The following DUSP4 variants were observed in gnomAD, a reference collection of about 807,000 sequenced individuals.
DUSP4 encodes the protein dual specificity phosphatase 4.
In DUSP4, 12 loss-of-function variants were observed where a neutral mutation model predicts 27.2. The ratio of observed to expected loss-of-function variants is 0.44; its 90% CI spans 0.28 to 0.71. The LOEUF (loss-of-function observed/expected upper bound fraction) is 0.71, where lower values mean the gene tolerates loss of function less well. DUSP4 is among the 30% of genes least tolerant of loss of function. DUSP4 has a pLI of 0.14. For synonymous variants in DUSP4, 257 were observed against 245.2 expected, an observed-to-expected ratio of 1.05 and a Z score of -0.45; for missense variants, 448 against 551.3, an observed-to-expected ratio of 0.81 and a Z score of 1.88.
At position 29,340,137 on chromosome 8, in the gene DUSP4, G is replaced by T. The variant is rs1817635392; in HGVS notation, c.540C>A (p.Asp180Glu). 1 of 1,601,174 alleles carries T rather than the reference G, an allele frequency of 6.2e-7. No individual in the cohort carries two copies. Among genetic ancestry groups the T allele is most frequent in the Admixed American group, 1.7e-5 (1 of 57,678 alleles). The change falls in exon 2 of 4, where the codon GAC (aspartate) becomes GAA (glutamate). Residue 180 changes from aspartate (D) to glutamate (E), a missense_variant. Coordinates refer to ENST00000240100, the MANE Select transcript of DUSP4 (RefSeq NM_001394.7). ...PVPPSATEPL[D>E]LGCSSCGTPL... Reference sequence around the variant, plus strand: ...GGGTCCCACAGGAGCTGCAGCCCAGGTCCAAGGGCTCTGTGGCACTGGGGG... The same window carrying T: ...GGGTCCCACAGGAGCTGCAGCCCAGTTCCAAGGGCTCTGTGGCACTGGGGG...
intron 1 of DUSP4, chr8:29,348,194 G>C (rs750243881): frequency 9.1e-5 from 90 of 985,534 alleles, no homozygotes; most frequent in Middle Eastern, 1.0e-3. Flanking sequence ...CTCTCCATCG[G>C]GGGGACTCGA....
chr8:29,347,081 A>T lies in DUSP4; in HGVS notation c.433+2765T>A, dbSNP rs544543898. Among the ~76,000 whole-genome samples the T allele has an allele frequency of 2.7e-4, 41 of 152,320 alleles. No individual in the cohort carries two copies. The South Asian group carries it at 8.5e-3, about 32-fold the overall frequency. On this transcript the variant is annotated intron_variant, in intron 1 of 3. Coordinates refer to ENST00000240100, the MANE Select transcript of DUSP4 (RefSeq NM_001394.7). ...AAATGAATTACTCCAGTAGGAAACAAATTCTCCAACCCTTCACCAATTCAG... is the reference window on the plus strand; with the variant it reads ...AAATGAATTACTCCAGTAGGAAACATATTCTCCAACCCTTCACCAATTCAG...
In DUSP4 at chr8:29,337,869, T is replaced by G. The variant is rs989316743; in HGVS notation, c.799+413A>C. ...CAGAGGCTGAGGCAGGAGAATCACT[T>G]GCACCCCAGAAGCGGAGGTTGCAGT... is the stretch of plus-strand genomic sequence containing the variant. On this transcript the variant is annotated intron_variant, in intron 3 of 3. Coordinates refer to ENST00000240100, the MANE Select transcript of DUSP4 (RefSeq NM_001394.7). The surrounding 1 kb of genome is among the most constrained non-coding windows in gnomAD (Gnocchi z 6.4). Among the ~76,000 whole-genome samples the G allele has an allele frequency of 2.6e-5, 4 of 152,108 alleles. No homozygotes were observed. Among genetic ancestry groups the G allele is most frequent in the Non-Finnish European group, 5.9e-5 (4 of 68,012 alleles).
rs570033003 is a variant in DUSP4, at chr8:29,345,745, A to G, written c.433+4101T>C. 4.5e-5 allele frequency: 60 copies of G among 1,332,192 alleles called. No homozygotes were observed. In the African/African-American group the frequency reaches 8.1e-4, roughly 18 times the overall value. The allele number at this position is 1,332,192 out of a possible 1,614,324, so 82.5% of individuals were successfully genotyped here. A position where few individuals can be genotyped will look rare whatever the true frequency, so the allele number is the denominator to read the frequency against. ...GCCCAAGGAAGTTGTGACGGTCTAA[A>G]GGGTCAAATTTCACTCTCAATTTAC... On this transcript the variant is annotated intron_variant, in intron 1 of 3. Transcript: ENST00000240100.
At position 29,337,493 on chromosome 8, in the gene DUSP4, G is replaced by C. The variant is rs1291642584; in HGVS notation, c.800-82C>G. On this transcript the variant is annotated intron_variant, in intron 3 of 3. Coordinates refer to ENST00000240100, the MANE Select transcript of DUSP4 (RefSeq NM_001394.7). The surrounding 1 kb of genome is among the most constrained non-coding windows in gnomAD (Gnocchi z 6.4). ...GGGGCACCGGCCAGCCCCTGGGGTCGGGGGGCTCTGAAGGAAGGACTAGCC... is the reference window on the plus strand; with the variant it reads ...GGGGCACCGGCCAGCCCCTGGGGTCCGGGGGCTCTGAAGGAAGGACTAGCC... 3.3e-6 allele frequency: 5 copies of C among 1,503,288 alleles called. No individual in the cohort carries two copies. The highest frequency in any genetic ancestry group is 2.6e-5 in the South Asian group (2 of 75,606). 93.1% of individuals were successfully genotyped at this position (1,503,288 alleles called of 1,614,324 possible). A position where few individuals can be genotyped will look rare whatever the true frequency, so the allele number is the denominator to read the frequency against.
rs560705011 is a variant in DUSP4, at chr8:29,349,698, C to G, written c.433+148G>C. On this transcript the variant is annotated intron_variant, in intron 1 of 3. Coordinates refer to ENST00000240100, the MANE Select transcript of DUSP4 (RefSeq NM_001394.7). The stretch of plus-strand genomic sequence containing the variant: ...CACTTGCACAGAAACCTTGCAAACC[C>G]CTACACACCAACACACACAAAGGGG... 1.2e-5 allele frequency: 14 copies of G among 1,170,876 alleles called. No individual in the cohort carries two copies. The East Asian group carries it at 3.6e-4, about 30-fold the overall frequency. The allele number at this position is 1,170,876 out of a possible 1,614,324, so 72.5% of individuals were successfully genotyped here.
At chr8:29,346,161 T>C in intron 1 of DUSP4, 2 of 805,302 alleles carry the variant, frequency 2.5e-6, no homozygotes, top group Non-Finnish European at 3.0e-6. Flanking sequence ...TCAGTGGCCT[T>C]AGTGACTGTT....
rs3735862 is a variant in DUSP4 at position 29,349,712 on chromosome 8, C to A, written c.433+134G>T. ...CCTTGCAAACCCCTACACACCAACA[C>A]ACACAAAGGGGCGCGCGGGGATCCC... On this transcript the variant is annotated intron_variant, in intron 1 of 3. Coordinates refer to ENST00000240100, the MANE Select transcript of DUSP4 (RefSeq NM_001394.7). 1.4e-3 allele frequency: 1,793 copies of A among 1,285,398 alleles called. 21 individuals carry two copies. Among genetic ancestry groups the A allele is most frequent in the East Asian group, 0.011 (408 of 37,844 alleles). The allele number at this position is 1,285,398 out of a possible 1,614,324, so 79.6% of individuals were successfully genotyped here.
chr8:29,348,379 G>C (rs1040096650), intron 1 of DUSP4: 2 of 985,560 alleles, frequency 2.0e-6, no homozygotes, highest in Admixed American at 6.1e-5. Flanking sequence ...AGGCCTTCCG[G>C]GACAAGCCCC....
In DUSP4 at chr8:29,335,341, ACG is replaced by A. The variant is rs1358579946; in HGVS notation, c.*1683_*1684del. The A allele has an allele frequency of 5.9e-5, 9 of 152,198 alleles. No individual in the cohort carries two copies. In the East Asian group the frequency reaches 1.7e-3, roughly 29 times the overall value. 9.4% of individuals were successfully genotyped at this position (152,198 alleles called of 1,614,324 possible). A position where few individuals can be genotyped will look rare whatever the true frequency, so the allele number is the denominator to read the frequency against. ...TCAAAATGGCGCCTGCGTGCCCATG[ACG>A]CACGTCACGGGAGCCAGCGGCCAGC... On this transcript the variant is annotated 3_prime_UTR_variant, in exon 4 of 4. Transcript: ENST00000240100.
At position 29,336,334 on chromosome 8, in the gene DUSP4, A is replaced by C. The variant is rs1817572522; in HGVS notation, c.*692T>G. On this transcript the variant is annotated 3_prime_UTR_variant, in exon 4 of 4. Transcript: ENST00000240100. Reference sequence around the variant, plus strand: ...ATCATGCTACCTTGCACATATCTACAAGACACCATTTACTTCCTAACTGCC... The same window carrying C: ...ATCATGCTACCTTGCACATATCTACCAGACACCATTTACTTCCTAACTGCC... 6.6e-6 allele frequency: 1 copy of C among 152,110 alleles called. No individual in the cohort carries two copies. Among genetic ancestry groups the C allele is most frequent in the Admixed American group, 6.5e-5 (1 of 15,268 alleles). The allele number at this position is 152,110 out of a possible 1,614,324, so 9.4% of individuals were successfully genotyped here. A position where few individuals can be genotyped will look rare whatever the true frequency, so the allele number is the denominator to read the frequency against.
chr8:29,340,044 T>C, intron 2 of DUSP4, 54 bp downstream of exon 2: 1 of 1,528,562 alleles, frequency 6.5e-7, no homozygotes, highest in Non-Finnish European at 8.8e-7. Flanking sequence ...AGGCATCCAC[T>C]GGCCCCTACG....
chr8:29,347,936 G>A (rs1333396719), intron 1 of DUSP4: 69 of 985,338 alleles, frequency 7.0e-5, no homozygotes, highest in Non-Finnish European at 8.1e-5. Flanking sequence ...GCGCCCTGGG[G>A]ATAAATCTTA....
chr8:29,340,818 C>T (rs921671322), intron 1 of DUSP4, among the ~76,000 whole-genome samples: 1 of 152,194 alleles, frequency 6.6e-6, no homozygotes, highest in Admixed American at 6.5e-5. Flanking sequence ...TCTAAATAAA[C>T]CCCTCATGCT....
intron 1 of DUSP4, among the ~76,000 whole-genome samples, chr8:29,342,375 A>C (rs1817667655): frequency 6.6e-6 from 1 of 151,994 alleles, no homozygotes; most frequent in African/African-American, 2.4e-5. Context: ...AAGGCCTATG[A>C]GGACTGGTTC....
intron 1 of DUSP4, among the ~76,000 whole-genome samples, 163 bp downstream of exon 1, chr8:29,349,683 G>A (rs1294444347): frequency 6.6e-6 from 1 of 152,224 alleles, no homozygotes; most frequent in African/African-American, 2.4e-5. Context: ...CACTTGCACA[G>A]AAACCTTGCA....
rs1448381330 is a variant in DUSP4, at chr8:29,349,270, G to A, written c.433+576C>T. ...GGGGATTGGCCACCTTCCAAGCTGA[G>A]CTTGGAGTTGGGCAGCGGGAACGCA... On this transcript the variant is annotated intron_variant, in intron 1 of 3. Transcript: ENST00000240100. 3.9e-5 allele frequency among the ~76,000 whole-genome samples: 6 copies of A among 152,372 alleles called. 1 individual carries two copies. Among genetic ancestry groups the A allele is most frequent in the Non-Finnish European group, 4.4e-5 (3 of 68,038 alleles).
intron 1 of DUSP4, among the ~76,000 whole-genome samples, chr8:29,341,732 C>G (rs1817658528): frequency 6.6e-6 from 1 of 152,150 alleles, no homozygotes; most frequent in Admixed American, 6.6e-5. Flanking sequence ...CGGCTGCCAC[C>G]ACTGCTGCCC....
intron 1 of DUSP4, among the ~76,000 whole-genome samples, chr8:29,344,917 T>G (rs1390011583): frequency 2.0e-5 from 3 of 152,112 alleles, no homozygotes. Flanking sequence ...TATGGCTCAC[T>G]GTAGCCTTGA....
Sources: allele counts gnomAD v4.1 joint callset (sites outside exome capture counted in the v4.1 genomes callset), GRCh38; gene constraint gnomAD v4.1.1; non-coding constraint Gnocchi (gnomAD v3.1); transcripts MANE v1.5; gene names NCBI Gene and HGNC (gene_info 2026-07-23, HGNC 2026-07-21).